Variants in METTL15 observed in about 807,000 individuals in gnomAD.
METTL15 encodes the protein methyltransferase 15, mitochondrial 12S rRNA N4-cytidine.
METTL15 carries 34 observed loss-of-function variants against 38.3 expected under a neutral mutation model. The observed-to-expected ratio is 0.89, with a 90% CI of 0.68 to 1.18. METTL15 has a LOEUF of 1.18. METTL15 is among the 50% of genes most tolerant of loss of function. METTL15 has a pLI of 0.00. For synonymous variants in METTL15, 162 were observed against 170.9 expected, an observed-to-expected ratio of 0.95 and a Z score of 0.41; for missense variants, 438 against 498.4, an observed-to-expected ratio of 0.88 and a Z score of 1.15.
rs1856758243 is a variant in METTL15, at chr11:28,296,894, C to T, written c.741C>T (p.Pro247=). The T allele has an allele frequency of 6.2e-7, 1 of 1,613,568 alleles. No homozygotes were observed. Residue 247 remains proline (P), a synonymous_variant, in exon 6 of 7, where the codon CCC becomes CCT. Coordinates refer to ENST00000407364, the MANE Select transcript of METTL15 (RefSeq NM_001113528.2). ...SAIVQARSIY[P]ITRTQQLASI... is the part of the protein sequence containing the mutation. The stretch of plus-strand genomic sequence containing the variant: ...TTGTTCAGGCACGCAGCATCTACCC[C>T]ATCACCAGAACCCAGCAGCTTGCCA...
At chr11:28,347,865 C>G (rs1339820155) in intron 3 of METTL15, among the ~76,000 whole-genome samples, 1 of 152,226 alleles carries the variant, frequency 6.6e-6, no homozygotes, top group Non-Finnish European at 1.5e-5. Context: ...CATCTCTAAG[C>G]AGAATTTAGA....
At chr11:28,431,811 A>AAAAAAAAAAAG (rs1850933966) in intron 6 of METTL15, among the ~76,000 whole-genome samples, 1 of 37,286 alleles carries the variant, frequency 2.7e-5, no homozygotes, top group Non-Finnish European at 1.0e-4. Flanking sequence ...AAAAAAAGAA[A>AAAAAAAAAAAG]AAAAAAAAAA....
intron 4 of METTL15, among the ~76,000 whole-genome samples, chr11:28,234,164 A>G (rs1590196951): frequency 2.6e-5 from 4 of 152,254 alleles, no homozygotes; most frequent in African/African-American, 4.8e-5. Context: ...GTAGTATTCC[A>G]TGGTGTATAT....
intron 3 of METTL15, among the ~76,000 whole-genome samples, chr11:28,351,864 C>T (rs989841311): frequency 3.9e-5 from 6 of 152,178 alleles, no homozygotes; most frequent in African/African-American, 7.2e-5. Flanking sequence ...AGACTGTTTA[C>T]GTTTTATAAA....
In METTL15 at chr11:28,279,931, A is replaced by G. The variant is rs1366753096; in HGVS notation, c.408-10275A>G. 4.7e-5 allele frequency among the ~76,000 whole-genome samples: 7 copies of G among 150,180 alleles called. No homozygotes were observed. The East Asian group carries it at 1.4e-3, about 30-fold the overall frequency. ...AAACAAAACAAAAAAAAAAAAAAAA[A>G]GGAAGGCTAACATAAATTAGTAATT... On this transcript the variant is annotated intron_variant, in intron 4 of 6. Coordinates refer to ENST00000407364, the MANE Select transcript of METTL15 (RefSeq NM_001113528.2).
chr11:28,321,813 T>C (rs1486532223), intron 6 of METTL15, among the ~76,000 whole-genome samples: 2 of 151,932 alleles, frequency 1.3e-5, no homozygotes, highest in African/African-American at 4.8e-5. Flanking sequence ...GGAAAAGATA[T>C]TTAATAATAA....
intron 5 of METTL15, among the ~76,000 whole-genome samples, chr11:28,405,387 A>T (rs2133407525): frequency 6.6e-6 from 1 of 152,266 alleles, no homozygotes; most frequent in African/African-American, 2.4e-5. Flanking sequence ...AACTTATTCT[A>T]ACTTATTTTG....
At chr11:28,346,579 A>T (rs970943770) in intron 3 of METTL15, among the ~76,000 whole-genome samples, 1 of 152,182 alleles carries the variant, frequency 6.6e-6, no homozygotes, top group African/African-American at 2.4e-5. Flanking sequence ...GCAACTTGAA[A>T]TTTTGTTATG....
chr11:28,151,912 T>C (rs1385631469), intron 3 of METTL15, among the ~76,000 whole-genome samples: 1 of 152,046 alleles, frequency 6.6e-6, no homozygotes, highest in Non-Finnish European at 1.5e-5. Context: ...CTTTAATTTT[T>C]ATACCCACTG....
intron 6 of METTL15, among the ~76,000 whole-genome samples, chr11:28,464,255 A>G (rs1039499389): frequency 6.6e-6 from 1 of 152,182 alleles, no homozygotes; most frequent in African/African-American, 2.4e-5. Flanking sequence ...CTAAAAATAT[A>G]TATATCATAT....
intron 2 of METTL15, 47 bp from the exon 3 acceptor site, chr11:28,113,271 A>T (rs1851792204): frequency 6.9e-6 from 9 of 1,306,552 alleles, no homozygotes; most frequent in South Asian, 5.9e-5. Flanking sequence ...GTATTAGAAC[A>T]TTCTTTTAAA....
chr11:28,498,379 C>T (rs1367198507), intron 6 of METTL15, among the ~76,000 whole-genome samples: 6 of 152,040 alleles, frequency 3.9e-5, no homozygotes, highest in East Asian at 1.9e-4. Flanking sequence ...AGGATGGTCT[C>T]GATCTCCTGA....
intron 6 of METTL15, among the ~76,000 whole-genome samples, chr11:28,476,314 T>A (rs1456908194): frequency 1.3e-5 from 2 of 152,198 alleles, no homozygotes; most frequent in Non-Finnish European, 2.9e-5. Flanking sequence ...GAGGGAATGC[T>A]TTCTATCATT....
chr11:28,457,141 G>T (rs963958265), intron 6 of METTL15, among the ~76,000 whole-genome samples: 1 of 152,098 alleles, frequency 6.6e-6, no homozygotes, highest in Admixed American at 6.6e-5. Flanking sequence ...AAAGTTCTTG[G>T]GTTCTAAGTT....
At chr11:28,446,446 C>T (rs1851075963) in intron 6 of METTL15, among the ~76,000 whole-genome samples, 1 of 152,060 alleles carries the variant, frequency 6.6e-6, no homozygotes, top group Non-Finnish European at 1.5e-5. Context: ...ATCCTGGTTT[C>T]CGGAAGGGCT....
At chr11:28,496,531 C>T (rs940903635) in intron 6 of METTL15, among the ~76,000 whole-genome samples, 1 of 152,212 alleles carries the variant, frequency 6.6e-6, no homozygotes, top group African/African-American at 2.4e-5. Flanking sequence ...TTTGCAAGGA[C>T]AGAGGTTGTG....
At chr11:28,299,705 G>A (rs1375165995) in intron 6 of METTL15, among the ~76,000 whole-genome samples, 1 of 152,106 alleles carries the variant, frequency 6.6e-6, no homozygotes, top group African/African-American at 2.4e-5. Flanking sequence ...GTTCCTGTAT[G>A]GGTTTCCTCG....
intron 3 of METTL15, among the ~76,000 whole-genome samples, chr11:28,166,207 T>C (rs1299696921): frequency 2.0e-5 from 3 of 152,210 alleles, no homozygotes; most frequent in Non-Finnish European, 4.4e-5. Context: ...AGAGATTGTA[T>C]TGTAAACTCA....
At chr11:28,175,122 G>T (rs1200678970) in intron 3 of METTL15, among the ~76,000 whole-genome samples, 12 of 128,522 alleles carry the variant, frequency 9.3e-5, no homozygotes, top group South Asian at 5.5e-4. Flanking sequence ...AACAGGCCCC[G>T]ATGTGTGATG....
Sources: allele counts gnomAD v4.1 joint callset (sites outside exome capture counted in the v4.1 genomes callset), GRCh38; gene constraint gnomAD v4.1.1; transcripts MANE v1.5; gene names NCBI Gene and HGNC (gene_info 2026-07-23, HGNC 2026-07-21).